The following MPPED1 variants were observed in gnomAD, a reference collection of about 807,000 sequenced individuals.
MPPED1 encodes the protein metallophosphoesterase domain-containing protein 1.
MPPED1 carries 16 observed loss-of-function variants against 36.2 expected under a neutral mutation model. That is an observed-to-expected ratio of 0.44 (90% CI 0.30 to 0.67). The LOEUF is 0.67. Ranked by LOEUF, MPPED1 falls within the 30% of genes least tolerant of loss-of-function variation. The pLI is 0.10. For synonymous variants in MPPED1, 199 were observed against 191.3 expected (o/e 1.04, Z -0.33); for missense variants, 307 against 453.4 (o/e 0.68, Z 2.93).
chr22:43,465,237 A>C (rs1931124864), intron 3 of MPPED1, among the ~76,000 whole-genome samples: 1 of 152,226 alleles, frequency 6.6e-6, no homozygotes, highest in African/African-American at 2.4e-5. Flanking sequence ...TGGGCCTTGA[A>C]GTCATGGACT....
At chr22:43,419,739 G>C (rs934372079) in intron 1 of MPPED1, among the ~76,000 whole-genome samples, 5 of 151,782 alleles carry the variant, frequency 3.3e-5, no homozygotes, top group Admixed American at 6.6e-5. Flanking sequence ...CAAGTTTGGG[G>C]GTGGGGGGTG....
At chr22:43,415,065 C>G (rs12483886) in intron 1 of MPPED1, among the ~76,000 whole-genome samples, 1 of 151,508 alleles carries the variant, frequency 6.6e-6, no homozygotes, top group Non-Finnish European at 1.5e-5. Context: ...CAGCAAGAAC[C>G]GTTTAATGTA....
chr22:43,476,323 A>G (rs1931575716), intron 4 of MPPED1, among the ~76,000 whole-genome samples: 1 of 152,102 alleles, frequency 6.6e-6, no homozygotes, highest in Non-Finnish European at 1.5e-5. Flanking sequence ...GTGTGGCTTG[A>G]TCCTGGAAGG....
intron 1 of MPPED1, among the ~76,000 whole-genome samples, chr22:43,412,668 C>CCCATCCATCCAT (rs59354174): frequency 0.15 from 23,079 of 149,128 alleles, 1,867 homozygotes; most frequent in Middle Eastern, 0.22. Flanking sequence ...ATCCCTCCCT[C>CCCATCCATCCAT]CCATCCATCC....
At chr22:43,447,883 A>ATATATATATATATATTTT (rs1321289636) in intron 3 of MPPED1, among the ~76,000 whole-genome samples, 40 of 67,690 alleles carry the variant, frequency 5.9e-4, no homozygotes, top group Non-Finnish European at 7.6e-4. Context: ...ATATATATAT[A>ATATATATATATATATTTT]TTTTTTTTTT....
At chr22:43,412,197 G>C (rs1928924915) in intron 1 of MPPED1, 39 bp downstream of exon 1, 2 of 966,398 alleles carry the variant, frequency 2.1e-6, no homozygotes, top group Admixed American at 1.3e-4. Context: ...GGGCGCGGGC[G>C]GGAGGCCGGG....
chr22:43,439,942 T>C (rs745438186), intron 3 of MPPED1, among the ~76,000 whole-genome samples: 1 of 152,216 alleles, frequency 6.6e-6, no homozygotes, highest in Non-Finnish European at 1.5e-5. Context: ...TGTTCCCTGC[T>C]CCTCTGTACG....
In MPPED1 at chr22:43,435,035, G is replaced by T; in HGVS notation, c.226G>T (p.Val76Leu). 1 of 1,613,462 alleles carries T rather than the reference G, an allele frequency of 6.2e-7. No homozygotes were observed. Among genetic ancestry groups the T allele is most frequent in the Non-Finnish European group, 8.5e-7 (1 of 1,179,772 alleles). The stretch of plus-strand genomic sequence containing the variant: ...CCGCAGTGTCATCTCTCCCTGCAGG[G>T]TGGACCCGGTGCCTCACGATGCCCC... ...GRFQPPHVQMVDPVPHDAPKP... is the reference protein window; with the variant it reads ...GRFQPPHVQMLDPVPHDAPKP... Residue 76 changes from valine to leucine, a missense_variant and splice_region_variant, in exon 3 of 7, where the codon GTG becomes TTG. By Grantham distance (32) the Val-to-Leu change is conservative. Around this residue, in one of 3 missense-constraint regions of MPPED1, gnomAD observed 169 missense variants for 212.3 expected, o/e 0.80. Coordinates refer to ENST00000443721, the MANE Select transcript of MPPED1 (RefSeq NM_001044370.2).
rs148967178 is a variant in MPPED1, at chr22:43,480,356, G to A, written c.632+5395G>A. Reference sequence around the variant, plus strand: ...CAGACCCCCTGCTCAGTGCTTGCTCGCATGTTCTCATTCAGTCCTTGCAGT... The same window carrying A: ...CAGACCCCCTGCTCAGTGCTTGCTCACATGTTCTCATTCAGTCCTTGCAGT... On this transcript the variant is annotated intron_variant, in intron 4 of 6. Transcript: ENST00000443721. 1.2e-4 allele frequency among the ~76,000 whole-genome samples: 18 copies of A among 152,280 alleles called. No homozygotes were observed. The East Asian group carries it at 2.3e-3, about 20-fold the overall frequency.
intron 3 of MPPED1, among the ~76,000 whole-genome samples, chr22:43,470,520 TC>T (rs1931338528): frequency 6.6e-6 from 1 of 152,196 alleles, no homozygotes; most frequent in Non-Finnish European, 1.5e-5. Context: ...CATTCATTCA[TC>T]CATGCATGCA....
At chr22:43,424,420 G>C (rs1023393998) in intron 1 of MPPED1, among the ~76,000 whole-genome samples, 1 of 152,186 alleles carries the variant, frequency 6.6e-6, no homozygotes, top group Non-Finnish European at 1.5e-5. Flanking sequence ...AGGCTTGCAG[G>C]GGTGTGGGCG....
At chr22:43,501,498 C>G (rs1450254509) in intron 5 of MPPED1, among the ~76,000 whole-genome samples, 1 of 152,194 alleles carries the variant, frequency 6.6e-6, no homozygotes, top group African/African-American at 2.4e-5. Context: ...CGGCTCCTGT[C>G]TCGGGGCTGC....
In MPPED1 at chr22:43,507,341, C is replaced by T. The variant is rs989633233; in HGVS notation, c.*1725C>T. 1.3e-5 allele frequency: 2 copies of T among 152,240 alleles called. No individual in the cohort carries two copies. The highest frequency in any genetic ancestry group is 2.9e-5 in the Non-Finnish European group (2 of 68,070). 9.4% of individuals were successfully genotyped at this position (152,240 alleles called of 1,614,324 possible). A position where few individuals can be genotyped will look rare whatever the true frequency, so the allele number is the denominator to read the frequency against. On this transcript the variant is annotated 3_prime_UTR_variant, in exon 7 of 7. Transcript: ENST00000443721. Reference sequence around the variant, plus strand: ...ACCCTGGGTGCAGCATCCTAGCATCCTGGGAGTCCTTTTCTGCCCACACTG... The same window carrying T: ...ACCCTGGGTGCAGCATCCTAGCATCTTGGGAGTCCTTTTCTGCCCACACTG...
At chr22:43,471,883 A>T (rs1454977458) in intron 3 of MPPED1, among the ~76,000 whole-genome samples, 1 of 152,210 alleles carries the variant, frequency 6.6e-6, no homozygotes. Context: ...TCTGATGTAC[A>T]AGAGGAGGGT....
intron 4 of MPPED1, among the ~76,000 whole-genome samples, chr22:43,479,498 A>G (rs972238423): frequency 2.6e-5 from 4 of 152,200 alleles, no homozygotes; most frequent in South Asian, 4.1e-4. Flanking sequence ...CAGTGAGGGA[A>G]GACTCCCCCA....
chr22:43,500,107 GGGTGATGAAGGT>G (rs1486478178), intron 5 of MPPED1, among the ~76,000 whole-genome samples: 2 of 38,122 alleles, frequency 5.2e-5, no homozygotes, highest in South Asian at 9.6e-4. Flanking sequence ...GTGGTAGTGG[GGGTGATGAAGGT>G]GGTGATGGAG....
intron 2 of MPPED1, among the ~76,000 whole-genome samples, chr22:43,425,611 C>T (rs568076975): frequency 3.9e-4 from 60 of 152,316 alleles, no homozygotes; most frequent in African/African-American, 7.0e-4. Flanking sequence ...ATTTGGGTGG[C>T]GACCCCTGGT....
At chr22:43,454,943 G>A (rs1363949676) in intron 3 of MPPED1, among the ~76,000 whole-genome samples, 1 of 152,136 alleles carries the variant, frequency 6.6e-6, no homozygotes, top group Non-Finnish European at 1.5e-5. Flanking sequence ...ATGTACCAGA[G>A]ACTGGGAGGC....
intron 4 of MPPED1, 103 bp downstream of exon 4, chr22:43,475,064 C>T (rs540391273): frequency 1.4e-4 from 143 of 1,027,692 alleles, no homozygotes; most frequent in Middle Eastern, 9.4e-4. Context: ...GCTCCGGATG[C>T]GAGGCTCAGG....
Sources: allele counts gnomAD v4.1 joint callset (sites outside exome capture counted in the v4.1 genomes callset), GRCh38; gene constraint gnomAD v4.1.1; regional missense constraint gnomAD v4.1.1; transcripts MANE v1.5; gene names NCBI Gene and HGNC (gene_info 2026-07-23, HGNC 2026-07-21).